MICAL3: variants seen among roughly 807,000 people sequenced by gnomAD.
MICAL3 encodes [F-actin]-monooxygenase MICAL3.
In MICAL3, 62 loss-of-function variants were observed where a neutral mutation model predicts 207.4. That is an observed-to-expected ratio of 0.30 (90% CI 0.24 to 0.37). The LOEUF is 0.37. Among genes scored for constraint, MICAL3 ranks in the 10% least tolerant of loss-of-function variants. MICAL3 has a pLI of 1.00. For synonymous variants in MICAL3, 1,077 were observed against 1,069.3 expected, an observed-to-expected ratio of 1.01 and a Z score of -0.14; for missense variants, 2,368 against 2,635.6, an observed-to-expected ratio of 0.90 and a Z score of 2.22.
At chr22:17,915,646 C>T (rs1019121321) in intron 1 of MICAL3, among the ~76,000 whole-genome samples, 10 of 152,114 alleles carry the variant, frequency 6.6e-5, no homozygotes, top group Admixed American at 2.0e-4. Context: ...CACAGAACCA[C>T]AAAATACACT....
intron 19 of MICAL3, chr22:17,861,859 A>G: frequency 1.0e-6 from 1 of 985,438 alleles, no homozygotes; most frequent in Non-Finnish European, 1.2e-6. Context: ...GTTACCAGAG[A>G]AAGACAATAC....
chr22:17,841,797 G>A lies in MICAL3; in HGVS notation c.2801+25C>T, dbSNP rs764334125. On this transcript the variant is annotated intron_variant, in intron 20 of 31. Transcript: ENST00000441493. The surrounding 1 kb of genome is among the most constrained non-coding windows in gnomAD (Gnocchi z 4.2). ...GCTCTTAGGGCCGTGTGGCGGGTGG[G>A]CGCCCTGCAGCCCTGCGTGCTGACC... 76 of 1,539,902 alleles carry A rather than the reference G, an allele frequency of 4.9e-5. No individual in the cohort carries two copies. In the Admixed American group the frequency reaches 6.3e-4, roughly 13 times the overall value.
At chr22:17,940,000 A>C (rs1602256322) in intron 1 of MICAL3, among the ~76,000 whole-genome samples, 1 of 152,204 alleles carries the variant, frequency 6.6e-6, no homozygotes, top group South Asian at 2.1e-4. Context: ...TCAAAGCACC[A>C]CAGCCGGCAG....
chr22:17,961,504 C>T (rs1307131196), intron 1 of MICAL3, among the ~76,000 whole-genome samples: 1 of 152,056 alleles, frequency 6.6e-6, no homozygotes, highest in African/African-American at 2.4e-5. Flanking sequence ...ACCCTCTCAC[C>T]CCCATGGTCC....
intron 7 of MICAL3, among the ~76,000 whole-genome samples, chr22:17,898,400 A>AAC (rs1165367971): frequency 1.3e-5 from 2 of 152,208 alleles, no homozygotes; most frequent in African/African-American, 4.8e-5. Flanking sequence ...TTCTCCCTGA[A>AAC]AGCACACAGG....
chr22:17,842,781 C>T (rs1924176916), intron 19 of MICAL3, among the ~76,000 whole-genome samples: 1 of 152,212 alleles, frequency 6.6e-6, no homozygotes, highest in South Asian at 2.1e-4. Context: ...GCGATCTTGG[C>T]CGGAGTCCTT....
chr22:17,793,430 A>G lies in MICAL3; in HGVS notation c.5651-2129T>C, dbSNP rs1019890367. Among the ~76,000 whole-genome samples, 4 of 152,004 alleles carry G rather than the reference A, an allele frequency of 2.6e-5. No individual in the cohort carries two copies. The highest frequency in any genetic ancestry group is 5.9e-5 in the Non-Finnish European group (4 of 67,968). On this transcript the variant is annotated intron_variant, in intron 29 of 31. Coordinates refer to ENST00000441493, the MANE Select transcript of MICAL3 (RefSeq NM_015241.3). The surrounding 1 kb of genome is among the most constrained non-coding windows in gnomAD (Gnocchi z 4.1). Reference sequence around the variant, plus strand: ...TCCTCACCTGCATGCCTGCCCCTCTATCTGATGGATCTGAGACTTAAAGCC... The same window carrying G: ...TCCTCACCTGCATGCCTGCCCCTCTGTCTGATGGATCTGAGACTTAAAGCC...
At chr22:17,839,144 G>A (rs1923715347) in intron 20 of MICAL3, among the ~76,000 whole-genome samples, 1 of 151,240 alleles carries the variant, frequency 6.6e-6, no homozygotes, top group East Asian at 1.9e-4. Flanking sequence ...TAGAGACGGG[G>A]TTTCATCATG....
rs1924679655 is a variant in MICAL3, at chr22:18,024,511, G to T, written c.-305C>A. Reference sequence around the variant, plus strand: ...AGGGCTGCCCCGGGTGCCTGCCTACGCGGGCGCTCCCCGCCGGGACTCCGC... The same window carrying T: ...AGGGCTGCCCCGGGTGCCTGCCTACTCGGGCGCTCCCCGCCGGGACTCCGC... On this transcript the variant is annotated 5_prime_UTR_variant, in exon 1 of 32. Coordinates refer to ENST00000441493, the MANE Select transcript of MICAL3 (RefSeq NM_015241.3). The T allele has an allele frequency of 6.6e-6, 1 of 151,886 alleles. No homozygotes were observed. Among genetic ancestry groups the T allele is most frequent in the African/African-American group, 2.4e-5 (1 of 41,418 alleles). The allele number at this position is 151,886 out of a possible 1,614,324, so 9.4% of individuals were successfully genotyped here. A position where few individuals can be genotyped will look rare whatever the true frequency, so the allele number is the denominator to read the frequency against.
chr22:18,000,904 G>A (rs931760996), intron 1 of MICAL3, among the ~76,000 whole-genome samples: 1 of 152,162 alleles, frequency 6.6e-6, no homozygotes, highest in African/African-American at 2.4e-5. Context: ...AGGACCCGGC[G>A]GAGCCTCGGC....
Position 17,885,900 on chromosome 22 carries a change from T to C in MICAL3, c.2219A>G (p.Gln740Arg), listed in dbSNP as rs781415974. ...LAKFEENAPAQSIGIRRQGSM... is the reference protein window; with the variant it reads ...LAKFEENAPARSIGIRRQGSM... ...TACCTGTCTCCGTATGCCGATGGAC[T>C]GTGCGGGCGCATTCTCTTCAAATTT... Residue 740 changes from glutamine to arginine, a missense_variant, in exon 16 of 32, where the codon CAG (glutamine) becomes CGG (arginine). Gln to Arg is a conservative substitution (Grantham distance 43). Around this residue, in one of 4 missense-constraint regions of MICAL3, gnomAD observed 1,770 missense variants for 1,863.2 expected, o/e 0.95. Transcript: ENST00000441493. The C allele has an allele frequency of 6.3e-5, 102 of 1,613,888 alleles. No individual in the cohort carries two copies. The Admixed American group carries it at 1.6e-3, about 26-fold the overall frequency.
At chr22:17,848,914 A>G (rs1217351373) in intron 19 of MICAL3, among the ~76,000 whole-genome samples, 1 of 152,202 alleles carries the variant, frequency 6.6e-6, no homozygotes, top group Non-Finnish European at 1.5e-5. Flanking sequence ...GTTGACAGCT[A>G]TGTTCTCATT....
intron 1 of MICAL3, among the ~76,000 whole-genome samples, chr22:17,911,781 A>G (rs1375900465): frequency 6.6e-6 from 1 of 152,218 alleles, no homozygotes; most frequent in African/African-American, 2.4e-5. Context: ...GCAGTGAGCC[A>G]TGATCATGCC....
intron 1 of MICAL3, among the ~76,000 whole-genome samples, chr22:17,953,930 C>CAAAAAAAAAAAAAAA (rs59740388): frequency 3.4e-4 from 29 of 86,512 alleles, no homozygotes; most frequent in East Asian, 7.3e-4. Flanking sequence ...GACTCCATCT[C>CAAAAAAAAAAAAAAA]AAAAAAAAAA....
At chr22:17,957,261 G>T (rs77730581) in intron 1 of MICAL3, among the ~76,000 whole-genome samples, 7,639 of 152,246 alleles carry the variant, frequency 0.05, 361 homozygotes, top group African/African-American at 0.12. Flanking sequence ...TAGAAGGAAC[G>T]AGACAAAATC....
chr22:17,905,245 G>A (rs1225206007), intron 2 of MICAL3, among the ~76,000 whole-genome samples: 1 of 152,204 alleles, frequency 6.6e-6, no homozygotes, highest in South Asian at 2.1e-4. Flanking sequence ...GAGATACAGA[G>A]TACTACATAC....
At chr22:17,891,697 C>T (rs906160850) in intron 11 of MICAL3, 65 bp from the exon 12 acceptor site, 1 of 1,507,238 alleles carries the variant, frequency 6.6e-7, no homozygotes, top group African/African-American at 1.4e-5. Flanking sequence ...AGAGAATCCT[C>T]TTTGTAGGAC....
intron 1 of MICAL3, among the ~76,000 whole-genome samples, chr22:17,954,840 G>A (rs1024955510): frequency 2.0e-5 from 3 of 151,192 alleles, no homozygotes; most frequent in Non-Finnish European, 4.4e-5. Context: ...TCGCCCTCCC[G>A]GGTTCAAGCA....
At chr22:17,860,429 G>A (rs887564499) in intron 19 of MICAL3, 78 of 985,310 alleles carry the variant, frequency 7.9e-5, no homozygotes, top group Middle Eastern at 1.0e-3. Flanking sequence ...TCGTACCGCC[G>A]CCGGGAAGCC....
Sources: allele counts gnomAD v4.1 joint callset (sites outside exome capture counted in the v4.1 genomes callset), GRCh38; gene constraint gnomAD v4.1.1; regional missense constraint gnomAD v4.1.1; non-coding constraint Gnocchi (gnomAD v3.1); transcripts MANE v1.5; gene names NCBI Gene and HGNC (gene_info 2026-07-23, HGNC 2026-07-21).